GRAMD4: variants seen among roughly 807,000 people sequenced by gnomAD.
The protein encoded by GRAMD4 is GRAM domain containing 4.
In GRAMD4, 25 loss-of-function variants were observed where a neutral mutation model predicts 83.9. That is an observed-to-expected ratio of 0.30 (90% CI 0.22 to 0.42). The LOEUF is 0.42. Ranked by LOEUF, GRAMD4 falls within the 10% of genes least tolerant of loss-of-function variation. The pLI, the probability that GRAMD4 is intolerant of heterozygous loss-of-function variation, is 1.00. For missense variants in GRAMD4, 593 were observed against 788.7 expected (o/e 0.75, Z 2.97); for synonymous variants, 336 against 320.9 (o/e 1.05, Z -0.50).
Position 46,678,998 on chromosome 22 carries a change from T to C in GRAMD4, c.*1747T>C. ...CTCTGAGCCGTGGGTCTGGCTCCTG[T>C]AGGGGACTGGCTCTCTTGGTGCACC... On this transcript the variant is annotated 3_prime_UTR_variant, in exon 19 of 19. Coordinates refer to ENST00000406902, the MANE Select transcript of GRAMD4 (RefSeq NM_015124.5). 1 of 985,800 alleles carries C rather than the reference T, an allele frequency of 1.0e-6. No homozygotes were observed. 61.1% of individuals were successfully genotyped at this position (985,800 alleles called of 1,614,324 possible).
chr22:46,602,057 C>T (rs1053807659), intron 1 of GRAMD4, among the ~76,000 whole-genome samples: 13 of 152,330 alleles, frequency 8.5e-5, no homozygotes, highest in East Asian at 3.9e-4. Context: ...ACCACGTCGG[C>T]GGTGGGCTCT....
chr22:46,616,280 A>G (rs1394375667), upstream of GRAMD4, among the ~76,000 whole-genome samples: 9 of 14,506 alleles, frequency 6.2e-4, 4 homozygotes, highest in East Asian at 0.04. Flanking sequence ...CCGTGTGTGC[A>G]GGTTCCCCTG....
In GRAMD4 at chr22:46,678,834, G is replaced by C. The variant is rs550695182; in HGVS notation, c.*1583G>C. On this transcript the variant is annotated 3_prime_UTR_variant, in exon 19 of 19. Transcript: ENST00000406902. ...ACACGCTGGTGCCGGGGGTGCTTTG[G>C]GGGGAGCTGCGCCGATCACCAGATT... 115 of 986,188 alleles carry C rather than the reference G, an allele frequency of 1.2e-4. 2 individuals are homozygous for C. In the South Asian group the frequency reaches 2.9e-3, roughly 25 times the overall value. 61.1% of individuals were successfully genotyped at this position (986,188 alleles called of 1,614,324 possible).
intron 1 of GRAMD4, among the ~76,000 whole-genome samples, chr22:46,611,390 T>A (rs1487832059): frequency 6.6e-6 from 1 of 152,088 alleles, no homozygotes; most frequent in Non-Finnish European, 1.5e-5. Flanking sequence ...CTTCTGGGGC[T>A]GTCGTGGGGT....
chr22:46,643,141 T>TGGA (rs2082005534), intron 3 of GRAMD4, among the ~76,000 whole-genome samples: 7 of 4,540 alleles, frequency 1.5e-3, no homozygotes, highest in African/African-American at 2.9e-3. Context: ...CCATGCATCC[T>TGGA]TCCATCCATC....
In GRAMD4 at chr22:46,679,385, G is replaced by C. The variant is rs377537401; in HGVS notation, c.*2134G>C. The C allele has an allele frequency of 1.0e-6, 1 of 985,298 alleles. No homozygotes were observed. The highest frequency in any genetic ancestry group is 1.7e-5 in the African/African-American group (1 of 57,234). 61.0% of individuals were successfully genotyped at this position (985,298 alleles called of 1,614,324 possible). A position where few individuals can be genotyped will look rare whatever the true frequency, so the allele number is the denominator to read the frequency against. On this transcript the variant is annotated 3_prime_UTR_variant, in exon 19 of 19. Transcript: ENST00000406902. ...GGAGGGCCACATTCGGGGAGCGGGG[G>C]GTCGGGGGAGGGCCACCGACTGGCT... is the stretch of plus-strand genomic sequence containing the variant.
At chr22:46,592,633 C>G (rs2081221361) in intron 1 of GRAMD4, among the ~76,000 whole-genome samples, 1 of 152,166 alleles carries the variant, frequency 6.6e-6, no homozygotes, top group Non-Finnish European at 1.5e-5. Context: ...TCTACGCCTG[C>G]AGAAGCAAAA....
At chr22:46,633,750 C>A (rs2081813498) in intron 2 of GRAMD4, among the ~76,000 whole-genome samples, 1 of 152,176 alleles carries the variant, frequency 6.6e-6, no homozygotes, top group South Asian at 2.1e-4. Context: ...GTGGGAAAGG[C>A]AACCCCTAGT....
At chr22:46,596,541 T>C (rs1458596902) in intron 1 of GRAMD4, among the ~76,000 whole-genome samples, 2 of 152,192 alleles carry the variant, frequency 1.3e-5, no homozygotes, top group African/African-American at 4.8e-5. Context: ...GAGATTAGCC[T>C]TTTTTATTTT....
intron 1 of GRAMD4, among the ~76,000 whole-genome samples, chr22:46,605,562 C>T (rs8138966): frequency 0.76 from 115,536 of 151,954 alleles, 45,636 homozygotes; most frequent in East Asian, 1. Flanking sequence ...TTTTATACCC[C>T]ACAAACAGTG....
intron 3 of GRAMD4, among the ~76,000 whole-genome samples, chr22:46,643,127 C>CCATG (rs1569283780): frequency 1.6e-4 from 23 of 143,394 alleles, no homozygotes; most frequent in East Asian, 4.2e-4. Flanking sequence ...ATCCATGCAT[C>CCATG]CATCCATGCA....
intron 3 of GRAMD4, 68 bp from the exon 4 acceptor site, chr22:46,658,119 C>T (rs56020728): frequency 0.029 from 45,925 of 1,600,720 alleles, 1,270 homozygotes; most frequent in African/African-American, 0.14. Flanking sequence ...GCACCCCTGC[C>T]CCAGCATCCC....
At chr22:46,669,621 G>A (rs1254118127) in intron 13 of GRAMD4, among the ~76,000 whole-genome samples, 2 of 151,036 alleles carry the variant, frequency 1.3e-5, no homozygotes, top group African/African-American at 4.9e-5. Context: ...TGTCGCCCAG[G>A]CTGGAGTGCA....
chr22:46,613,770 C>A (rs545100180), intron 1 of GRAMD4, among the ~76,000 whole-genome samples: 1 of 152,336 alleles, frequency 6.6e-6, no homozygotes, highest in South Asian at 2.1e-4. Flanking sequence ...ATACACACCC[C>A]CTCCTGCCCT....
At chr22:46,669,488 G>A (rs2082465791) in intron 13 of GRAMD4, among the ~76,000 whole-genome samples, 1 of 152,076 alleles carries the variant, frequency 6.6e-6, no homozygotes, top group Non-Finnish European at 1.5e-5. Flanking sequence ...TGCCCAGCAT[G>A]CTCTCTTCCC....
chr22:46,592,955 T>C (rs889483291), intron 1 of GRAMD4, among the ~76,000 whole-genome samples: 1 of 152,142 alleles, frequency 6.6e-6, no homozygotes, highest in Non-Finnish European at 1.5e-5. Context: ...TTAGAAGATA[T>C]AAACCCCACA....
intron 1 of GRAMD4, among the ~76,000 whole-genome samples, chr22:46,595,115 G>A (rs572881506): frequency 3.7e-4 from 56 of 152,258 alleles, no homozygotes; most frequent in African/African-American, 1.2e-3. Flanking sequence ...GGCCCGGGGG[G>A]AGAGTGTGCC....
In GRAMD4 at chr22:46,671,624, C is replaced by T. The variant is rs146272292; in HGVS notation, c.1085-1219C>T. 5.1e-3 allele frequency among the ~76,000 whole-genome samples: 775 copies of T among 151,944 alleles called. 7 individuals carry two copies. Among genetic ancestry groups the T allele is most frequent in the Non-Finnish European group, 8.4e-3 (573 of 68,002 alleles). ...TGAGCCAAGATCATGTTGCTGCACT[C>T]CTGCCTGGGCGACAGAGCAAGACTC... On this transcript the variant is annotated intron_variant, in intron 13 of 18. Coordinates refer to ENST00000406902, the MANE Select transcript of GRAMD4 (RefSeq NM_015124.5).
intron 1 of GRAMD4, among the ~76,000 whole-genome samples, chr22:46,601,093 G>A (rs1404689921): frequency 6.6e-6 from 1 of 152,094 alleles, no homozygotes; most frequent in Admixed American, 6.5e-5. Flanking sequence ...GCAGCCAGCT[G>A]AGATTGCACC....
Sources: allele counts gnomAD v4.1 joint callset (sites outside exome capture counted in the v4.1 genomes callset), GRCh38; gene constraint gnomAD v4.1.1; transcripts MANE v1.5; gene names NCBI Gene and HGNC (gene_info 2026-07-23, HGNC 2026-07-21).